The following CNKSR3 variants were observed in gnomAD, a reference collection of about 807,000 sequenced individuals.
CNKSR3 encodes connector enhancer of kinase suppressor of ras 3.
CNKSR3 carries 36 observed loss-of-function variants against 67.7 expected under a neutral mutation model. The observed-to-expected ratio is 0.53, with a 90% confidence interval of 0.41 to 0.70. The LOEUF (loss-of-function observed/expected upper bound fraction) is 0.70, where lower values mean the gene tolerates loss of function less well. CNKSR3 is among the 30% of genes least tolerant of loss of function. CNKSR3 has a pLI of 0.00. For synonymous variants in CNKSR3, 281 were observed against 271.4 expected, an observed-to-expected ratio of 1.04 and a Z score of -0.35; for missense variants, 630 against 695.2, an observed-to-expected ratio of 0.91 and a Z score of 1.05.
intron 9 of CNKSR3, among the ~76,000 whole-genome samples, chr6:154,421,560 AC>A (rs766577834): frequency 1.2e-4 from 19 of 152,348 alleles, no homozygotes; most frequent in East Asian, 7.7e-4. Context: ...AAGGAGTGTG[AC>A]CAGTGAGTGT....
chr6:154,463,314 C>T (rs1432904267), intron 1 of CNKSR3, among the ~76,000 whole-genome samples: 1 of 151,942 alleles, frequency 6.6e-6, no homozygotes, highest in Non-Finnish European at 1.5e-5. Context: ...ACCTTGTGAT[C>T]GGCCCGCCTC....
At chr6:154,421,813 T>C (rs1341606946) in intron 9 of CNKSR3, among the ~76,000 whole-genome samples, 1 of 152,080 alleles carries the variant, frequency 6.6e-6, no homozygotes, top group African/African-American at 2.4e-5. Flanking sequence ...TATACAGTTA[T>C]GTAGGTATGT....
intron 1 of CNKSR3, among the ~76,000 whole-genome samples, chr6:154,486,252 C>T (rs1052036920): frequency 1.3e-5 from 2 of 151,570 alleles, no homozygotes; most frequent in African/African-American, 4.8e-5. Flanking sequence ...GACAGCATGA[C>T]ATTTAAAAAG....
chr6:154,437,422 T>G (rs1785494194), intron 4 of CNKSR3, among the ~76,000 whole-genome samples: 1 of 148,508 alleles, frequency 6.7e-6, no homozygotes, highest in Non-Finnish European at 1.5e-5. Context: ...TTTTTTTTTT[T>G]TTTTTTTTTG....
chr6:154,451,524 T>C (rs1186476218), intron 1 of CNKSR3, among the ~76,000 whole-genome samples: 1 of 95,306 alleles, frequency 1.0e-5, no homozygotes, highest in African/African-American at 4.3e-5. Context: ...CGCACACTCG[T>C]GCACACACGC....
In CNKSR3 at chr6:154,441,235, G is replaced by A. The variant is rs371885743; in HGVS notation, c.507+57C>T. 5.1e-6 allele frequency: 6 copies of A among 1,183,006 alleles called. No individual in the cohort carries two copies. In the African/African-American group the frequency reaches 6.6e-5, roughly 13 times the overall value. The allele number at this position is 1,183,006 out of a possible 1,614,324, so 73.3% of individuals were successfully genotyped here. On this transcript the variant is annotated intron_variant, in intron 4 of 12. Transcript: ENST00000607772. Reference sequence around the variant, plus strand: ...CTGCATGAAAATCCTTTCAAGAAGAGGAAAAGCAAAAAAAAAAAAAAAAAA... The same window carrying A: ...CTGCATGAAAATCCTTTCAAGAAGAAGAAAAGCAAAAAAAAAAAAAAAAAA...
At chr6:154,433,358 T>C (rs1785407580) in intron 5 of CNKSR3, 108 bp downstream of exon 5, 2 of 761,580 alleles carry the variant, frequency 2.6e-6, no homozygotes, top group Non-Finnish European at 4.4e-6. Context: ...CAAAAGCCAA[T>C]ATTTCAAAGT....
At position 154,405,773 on chromosome 6, in the gene CNKSR3, GA is replaced by G. The variant is rs111970860; in HGVS notation, c.*580del. On this transcript the variant is annotated 3_prime_UTR_variant, in exon 13 of 13. Coordinates refer to ENST00000607772, the MANE Select transcript of CNKSR3 (RefSeq NM_173515.4). ...AACTGATCTATACTGAGACTGTCATGAAAAAGGTATCAAACAAGTGTAACAG... is the reference window on the plus strand; with the variant it reads ...AACTGATCTATACTGAGACTGTCATGAAAAGGTATCAAACAAGTGTAACAG... 2.3e-3 allele frequency: 354 copies of G among 154,818 alleles called. 1 individual carries two copies. Among genetic ancestry groups the G allele is most frequent in the East Asian group, 0.013 (67 of 5,234 alleles). The allele number at this position is 154,818 out of a possible 1,614,324, so 9.6% of individuals were successfully genotyped here. A position where few individuals can be genotyped will look rare whatever the true frequency, so the allele number is the denominator to read the frequency against.
intron 3 of CNKSR3, 32 bp downstream of exon 3, chr6:154,442,056 G>C (rs776676961): frequency 5.8e-6 from 9 of 1,560,138 alleles, no homozygotes; most frequent in Admixed American, 5.5e-5. Context: ...ATCTACTCTT[G>C]CAGGGCAGTA....
intron 9 of CNKSR3, among the ~76,000 whole-genome samples, chr6:154,418,084 C>T (rs982990825): frequency 6.6e-6 from 1 of 152,192 alleles, no homozygotes; most frequent in African/African-American, 2.4e-5. Context: ...TACCACCCCC[C>T]GCTGCTGGGA....
intron 9 of CNKSR3, 113 bp from the exon 10 acceptor site, chr6:154,414,536 T>A (rs1263355235): frequency 1.8e-6 from 2 of 1,102,868 alleles, no homozygotes; most frequent in African/African-American, 3.1e-5. Context: ...GAACAGGGAC[T>A]GAGGTCATTC....
chr6:154,413,139 TACACACACACAC>T lies in CNKSR3; in HGVS notation c.1070+1148_1070+1159del, dbSNP rs60788837. 5.4e-4 allele frequency among the ~76,000 whole-genome samples: 78 copies of T among 145,112 alleles called. No homozygotes were observed. In the Middle Eastern group the frequency reaches 0.01, roughly 20 times the overall value. ...CAACTATCTTTTTAAGAATTTATGG[TACACACACACAC>T]ACACACACACACACACACACACACA... On this transcript the variant is annotated intron_variant, in intron 10 of 12. Transcript: ENST00000607772.
At chr6:154,481,628 T>A (rs755097434) in intron 1 of CNKSR3, among the ~76,000 whole-genome samples, 1 of 152,208 alleles carries the variant, frequency 6.6e-6, no homozygotes, top group African/African-American at 2.4e-5. Flanking sequence ...AATGACATCA[T>A]CCTTTTATGC....
rs115024286 is a variant in CNKSR3 at position 154,468,374 on chromosome 6, C to A, written c.53-18116G>T. 6.3e-3 allele frequency among the ~76,000 whole-genome samples: 904 copies of A among 144,010 alleles called. 12 individuals carry two copies. Among genetic ancestry groups the A allele is most frequent in the African/African-American group, 0.022 (855 of 38,690 alleles). The allele number at this position is 144,010 out of a possible 152,430, so 94.5% of individuals were successfully genotyped here. A position where few individuals can be genotyped will look rare whatever the true frequency, so the allele number is the denominator to read the frequency against. Reference sequence around the variant, plus strand: ...GAATTACAGGCATGAGCCACTGCACCCAGCCCATATATATTTTATACACAC... The same window carrying A: ...GAATTACAGGCATGAGCCACTGCACACAGCCCATATATATTTTATACACAC... On this transcript the variant is annotated intron_variant, in intron 1 of 12. Coordinates refer to ENST00000607772, the MANE Select transcript of CNKSR3 (RefSeq NM_173515.4).
intron 1 of CNKSR3, among the ~76,000 whole-genome samples, chr6:154,462,616 C>A (rs1237944239): frequency 6.6e-6 from 1 of 152,178 alleles, no homozygotes; most frequent in Non-Finnish European, 1.5e-5. Context: ...ACATTCTCCC[C>A]TAACCACTAT....
chr6:154,487,294 C>T (rs888725865), intron 1 of CNKSR3, among the ~76,000 whole-genome samples: 2 of 152,122 alleles, frequency 1.3e-5, no homozygotes, highest in Non-Finnish European at 2.9e-5. Flanking sequence ...AAAAGTAGCA[C>T]CTAGGCTTTA....
chr6:154,504,973 T>A, intron 1 of CNKSR3, among the ~76,000 whole-genome samples: 1 of 151,200 alleles, frequency 6.6e-6, no homozygotes, highest in African/African-American at 2.4e-5. Context: ...ATCACTGGAG[T>A]GCAGGAGAGT....
chr6:154,407,721 G>A (rs1584048096), intron 12 of CNKSR3, among the ~76,000 whole-genome samples: 1 of 151,656 alleles, frequency 6.6e-6, no homozygotes, highest in African/African-American at 2.4e-5. Context: ...CAAAGTGTTG[G>A]GATTAGAGGC....
intron 1 of CNKSR3, among the ~76,000 whole-genome samples, chr6:154,475,472 T>C (rs1003924488): frequency 6.6e-6 from 1 of 152,198 alleles, no homozygotes; most frequent in Non-Finnish European, 1.5e-5. Flanking sequence ...CGGCCCTTGC[T>C]GTCCTCCCTA....
Sources: allele counts gnomAD v4.1 joint callset (sites outside exome capture counted in the v4.1 genomes callset), GRCh38; gene constraint gnomAD v4.1.1; transcripts MANE v1.5; gene names NCBI Gene and HGNC (gene_info 2026-07-23, HGNC 2026-07-21).